ARHGEF2: variants seen among roughly 807,000 people sequenced by gnomAD.
The protein encoded by ARHGEF2 is rho guanine nucleotide exchange factor 2.
In ARHGEF2, 22 loss-of-function variants were observed where a neutral mutation model predicts 121.0. The observed-to-expected ratio is 0.18, with a 90% CI of 0.13 to 0.26. ARHGEF2 has a LOEUF of 0.26. Among genes scored for constraint, ARHGEF2 ranks in the 10% least tolerant of loss-of-function variants. The probability of loss-of-function intolerance (pLI) is 1.00; values close to 1 mark genes in which losing one functional copy is unlikely to be tolerated. For missense variants in ARHGEF2, 907 were observed against 1,336.0 expected (o/e 0.68, Z 5.01); for synonymous variants, 487 against 530.0 (o/e 0.92, Z 1.11).
At chr1:155,967,431 C>T (rs896798306) in intron 2 of ARHGEF2, among the ~76,000 whole-genome samples, 3 of 152,152 alleles carry the variant, frequency 2.0e-5, no homozygotes, top group Non-Finnish European at 4.4e-5. Flanking sequence ...GTGGCTAAAT[C>T]GTCCATCAGA....
At chr1:155,953,816 C>T (rs1265879299) in intron 14 of ARHGEF2, among the ~76,000 whole-genome samples, 1 of 151,862 alleles carries the variant, frequency 6.6e-6, no homozygotes, top group African/African-American at 2.4e-5. Context: ...TTTACTCCTC[C>T]TTGCTAGGTG....
intron 1 of ARHGEF2, among the ~76,000 whole-genome samples, chr1:155,973,324 A>T (rs934904661): frequency 1.3e-5 from 2 of 152,102 alleles, no homozygotes; most frequent in Non-Finnish European, 2.9e-5. Context: ...CCTCCTCCTG[A>T]AGGGCTCTAA....
At chr1:155,971,885 A>T (rs1440850451) in intron 1 of ARHGEF2, among the ~76,000 whole-genome samples, 4 of 145,544 alleles carry the variant, frequency 2.7e-5, no homozygotes, top group Non-Finnish European at 1.5e-5. Context: ...CATCTCTATA[A>T]AAAAAAAAAA....
intron 13 of ARHGEF2, among the ~76,000 whole-genome samples, chr1:155,957,492 G>T (rs1278458064): frequency 6.6e-6 from 1 of 152,232 alleles, no homozygotes; most frequent in Admixed American, 6.5e-5. Context: ...AGCTCATGCT[G>T]AATTTGAAAG....
intron 1 of ARHGEF2, chr1:155,970,513 C>T (rs1680248852): frequency 2.0e-6 from 2 of 985,518 alleles, no homozygotes; most frequent in Non-Finnish European, 2.4e-6. Flanking sequence ...CAAGGTTTCC[C>T]AGGCTCTCAG....
chr1:155,972,017 G>T (rs1286372081), intron 1 of ARHGEF2, among the ~76,000 whole-genome samples: 5 of 151,930 alleles, frequency 3.3e-5, no homozygotes, highest in Non-Finnish European at 7.4e-5. Context: ...CTCTGCCCCA[G>T]TGCTGCTACG....
At position 155,950,833 on chromosome 1, in the gene ARHGEF2, G is replaced by C. The variant is rs773965365; in HGVS notation, c.2699C>G (p.Pro900Arg). 5.3e-6 allele frequency: 8 copies of C among 1,522,678 alleles called. No homozygotes were observed. The highest frequency in any genetic ancestry group is 4.2e-5 in the African/African-American group (3 of 72,020). 94.3% of individuals were successfully genotyped at this position (1,522,678 alleles called of 1,614,324 possible). ...GDALYLSFNP[P>R]QPSRGTDRLD... ...CACCACTGCAGGCCACCTTACCTGT[G>C]GGGGGTTGAAACTCAAGTACAGGGC... The change falls in exon 20 of 22, where the codon CCA becomes CGA. Residue 900 changes from proline to arginine, a missense_variant. By Grantham distance (103) the Pro-to-Arg change is moderately radical. Transcript: ENST00000361247. The surrounding 1 kb of genome is among the most constrained non-coding windows in gnomAD (Gnocchi z 5.2).
Position 155,951,800 on chromosome 1 carries a change from G to A in ARHGEF2, c.2173-24C>T, listed in dbSNP as rs1440079750. The A allele has an allele frequency of 3.1e-6, 5 of 1,613,668 alleles. No homozygotes were observed. The highest frequency in any genetic ancestry group is 3.4e-6 in the Non-Finnish European group (4 of 1,179,972). On this transcript the variant is annotated intron_variant, in intron 17 of 21. Coordinates refer to ENST00000361247, the MANE Select transcript of ARHGEF2 (RefSeq NM_001162383.2). The surrounding 1 kb of genome is among the most constrained non-coding windows in gnomAD (Gnocchi z 5.1). ...TCCTGCAGAAATGGGCAAGAATGGG[G>A]AGTCAGCAGGCACACAAATCCTGGG...
chr1:155,953,056 G>A (rs1675835767), intron 14 of ARHGEF2, among the ~76,000 whole-genome samples: 2 of 152,146 alleles, frequency 1.3e-5, no homozygotes, highest in Non-Finnish European at 2.9e-5. Flanking sequence ...CTTGAGGCCA[G>A]GAGTTCAAGA....
intron 1 of ARHGEF2, chr1:155,978,000 G>C: frequency 1.2e-6 from 1 of 852,234 alleles, no homozygotes; most frequent in Non-Finnish European, 1.4e-6. Flanking sequence ...GGTGAGAGGA[G>C]GTGCCGGAGC....
chr1:155,975,078 A>G (rs1448388091), intron 1 of ARHGEF2, among the ~76,000 whole-genome samples: 1 of 151,820 alleles, frequency 6.6e-6, no homozygotes, highest in Non-Finnish European at 1.5e-5. Flanking sequence ...ATCCTAACCA[A>G]TCCGCTCACT....
rs528842837 is a variant in ARHGEF2, at chr1:155,964,227, A to T, written c.724+761T>A. 4.0e-3 allele frequency among the ~76,000 whole-genome samples: 482 copies of T among 120,156 alleles called. 29 individuals are homozygous for T. In the East Asian group the frequency reaches 0.099, roughly 25 times the overall value. The allele number at this position is 120,156 out of a possible 152,430, so 78.8% of individuals were successfully genotyped here. On this transcript the variant is annotated intron_variant, in intron 7 of 21. Transcript: ENST00000361247. ...ATATATATATATATATTTTTTTTTT[A>T]GAGACAGAGGTCTTGCTTTGTTGCC...
At position 155,965,531 on chromosome 1, in the gene ARHGEF2, C is replaced by CT. The variant is rs1247637697; in HGVS notation, c.470+99dup. The CT allele has an allele frequency of 3.1e-6, 5 of 1,606,906 alleles. No individual in the cohort carries two copies. In the East Asian group the frequency reaches 1.1e-4, roughly 36 times the overall value. ...CCCTAAGTTCTCCTTATTTGTCTGTCTACAGTTCTGAACTCAGGGATGGAA... is the reference window on the plus strand; with the variant it reads ...CCCTAAGTTCTCCTTATTTGTCTGTCTTACAGTTCTGAACTCAGGGATGGAA... On this transcript the variant is annotated intron_variant, in intron 5 of 21. Coordinates refer to ENST00000361247, the MANE Select transcript of ARHGEF2 (RefSeq NM_001162383.2). The surrounding 1 kb of genome is among the most constrained non-coding windows in gnomAD (Gnocchi z 6.0).
In ARHGEF2 at chr1:155,978,376, G is replaced by A; in HGVS notation, c.52C>T (p.Leu18=). ...GTTTCCGAGCCCACCTTGCTCGCCA[G>A]CTCTCTGCTCCGGTCGATCCGCGCC... is the stretch of plus-strand genomic sequence containing the variant. ...TRARIDRSRE[L]ASKTREKEKM... The change falls in exon 1 of 22, where the codon CTG becomes TTG. Residue 18 remains leucine, a synonymous_variant. Transcript: ENST00000361247. This position sits in a 1 kb window ranked among gnomAD's most constrained non-coding sequence, Gnocchi z 4.1. 1 of 1,516,150 alleles carries A rather than the reference G, an allele frequency of 6.6e-7. No homozygotes were observed. The highest frequency in any genetic ancestry group is 8.9e-7 in the Non-Finnish European group (1 of 1,122,194). The allele number at this position is 1,516,150 out of a possible 1,614,324, so 93.9% of individuals were successfully genotyped here.
At chr1:155,978,863 T>G, upstream of ARHGEF2, 1 of 971,174 alleles carries the variant, frequency 1.0e-6, no homozygotes, top group Non-Finnish European at 1.2e-6. This position sits in a 1 kb window ranked among gnomAD's most constrained non-coding sequence, Gnocchi z 4.1. Context: ...TGCCCTCCCC[T>G]TCTTCCCTTC....
At chr1:155,969,390 G>A in intron 1 of ARHGEF2, 90 bp from the exon 2 acceptor site, 4 of 1,559,892 alleles carry the variant, frequency 2.6e-6, no homozygotes, top group Admixed American at 1.9e-5. Flanking sequence ...CAGAGGCAAG[G>A]AAAAAATGCC....
In ARHGEF2 at chr1:155,947,099, T is replaced by G; in HGVS notation, c.*843A>C. 2.9e-6 allele frequency: 1 copy of G among 342,174 alleles called. No individual in the cohort carries two copies. The highest frequency in any genetic ancestry group is 5.8e-6 in the Non-Finnish European group (1 of 173,568). 21.2% of individuals were successfully genotyped at this position (342,174 alleles called of 1,614,324 possible). ...TAAATGGCTGGGGAAGAGGTCAGTA[T>G]AGGTCCCCCCGTTACTGCAGATGAA... On this transcript the variant is annotated 3_prime_UTR_variant, in exon 22 of 22. Transcript: ENST00000361247.
chr1:155,978,331 A>G lies in ARHGEF2; in HGVS notation c.63+34T>C. 1 of 1,485,236 alleles carries G rather than the reference A, an allele frequency of 6.7e-7. No homozygotes were observed. Among genetic ancestry groups the G allele is most frequent in the Non-Finnish European group, 9.1e-7 (1 of 1,102,428 alleles). 92.0% of individuals were successfully genotyped at this position (1,485,236 alleles called of 1,614,324 possible). On this transcript the variant is annotated intron_variant, in intron 1 of 21. Coordinates refer to ENST00000361247, the MANE Select transcript of ARHGEF2 (RefSeq NM_001162383.2). This position sits in a 1 kb window ranked among gnomAD's most constrained non-coding sequence, Gnocchi z 4.1. ...GCCGGGGTTCGGGGAGCACCCGAGG[A>G]CCGCGGCGAAAGGAGAGGGGTTTCC...
chr1:155,951,748 G>A lies in ARHGEF2; in HGVS notation c.2201C>T (p.Pro734Leu), dbSNP rs768686704. 1.2e-5 allele frequency: 20 copies of A among 1,613,930 alleles called. No homozygotes were observed. The highest frequency in any genetic ancestry group is 2.2e-5 in the East Asian group (1 of 44,860). The change falls in exon 18 of 22, where the codon CCG (proline) becomes CTG (leucine). Residue 734 changes from proline to leucine, a missense_variant. Pro to Leu is a moderately conservative substitution (Grantham distance 98). This residue lies in a region of ARHGEF2 where 432 missense variants were observed against 559.5 expected (regional missense o/e 0.77). Coordinates refer to ENST00000361247, the MANE Select transcript of ARHGEF2 (RefSeq NM_001162383.2). The surrounding 1 kb of genome is among the most constrained non-coding windows in gnomAD (Gnocchi z 5.1). ...RDRNGNQLRS[P>L]QEEALQRLVN... ...CATCAATTCCCATCTCACCTCTTGC[G>A]GTGATCTCAGCTGATTTCCATTTCG...
Sources: gnomAD v4.1 joint callset for allele counts (sites outside exome capture counted in the v4.1 genomes callset) on GRCh38, gnomAD v4.1.1 for gene constraint, gnomAD v4.1.1 regional missense constraint, Gnocchi (gnomAD v3.1) non-coding constraint, MANE v1.5 for transcripts, NCBI Gene and HGNC (gene_info 2026-07-23, HGNC 2026-07-21) for gene names.